CSPP1: variants seen among roughly 807,000 people sequenced by gnomAD.
CSPP1 encodes centrosome and spindle pole-associated protein 1.
CSPP1 carries 126 observed loss-of-function variants against 164.4 expected under a neutral mutation model. The ratio of observed to expected loss-of-function variants is 0.77; its 90% CI spans 0.66 to 0.89. The LOEUF (loss-of-function observed/expected upper bound fraction) is 0.89, where lower values mean the gene tolerates loss of function less well. Among genes scored for constraint, CSPP1 ranks in the 40% least tolerant of loss-of-function variants. The probability of loss-of-function intolerance (pLI) is 0.00; values close to 1 mark genes in which losing one functional copy is unlikely to be tolerated. For synonymous variants in CSPP1, 472 were observed against 476.7 expected (o/e 0.99, Z 0.13); for missense variants, 1,395 against 1,449.8 (o/e 0.96, Z 0.61).
At position 67,195,676 on chromosome 8, in the gene CSPP1, C is replaced by T; in HGVS notation, c.*83C>T. ...TACCTTTAATATGTCCTACTTTTGG[C>T]CCCTACCTGAAAGTTACTTTTTTTC... is the stretch of plus-strand genomic sequence containing the variant. On this transcript the variant is annotated 3_prime_UTR_variant, in exon 31 of 31. Coordinates refer to ENST00000678616, the MANE Select transcript of CSPP1 (RefSeq NM_001382391.1). The T allele has an allele frequency of 8.2e-6, 10 of 1,213,476 alleles. No individual in the cohort carries two copies. Among genetic ancestry groups the T allele is most frequent in the South Asian group, 1.4e-5 (1 of 72,942 alleles). The allele number at this position is 1,213,476 out of a possible 1,614,324, so 75.2% of individuals were successfully genotyped here.
intron 17 of CSPP1, among the ~76,000 whole-genome samples, chr8:67,146,612 G>C (rs953193254): frequency 2.6e-5 from 4 of 152,142 alleles, no homozygotes; most frequent in African/African-American, 7.2e-5. Flanking sequence ...CATTATAAAA[G>C]AGTTTCTGTG....
chr8:67,124,433 A>G (rs1819651578), intron 15 of CSPP1, among the ~76,000 whole-genome samples: 1 of 152,156 alleles, frequency 6.6e-6, no homozygotes, highest in African/African-American at 2.4e-5. Context: ...TACAAATCAC[A>G]CTATTATACA....
chr8:67,072,244 C>A (rs1477461043), intron 1 of CSPP1, among the ~76,000 whole-genome samples: 5 of 151,364 alleles, frequency 3.3e-5, no homozygotes, highest in African/African-American at 1.2e-4. Flanking sequence ...AGTGAGATTG[C>A]GCTACTGCAC....
chr8:67,162,152 C>A (rs1342912373), intron 22 of CSPP1, among the ~76,000 whole-genome samples: 1 of 152,084 alleles, frequency 6.6e-6, no homozygotes, highest in Admixed American at 6.6e-5. Context: ...TGTAGATATG[C>A]TCATTGAGTC....
intron 24 of CSPP1, 111 bp downstream of exon 24, chr8:67,164,619 C>T (rs999282995): frequency 1.8e-6 from 1 of 552,844 alleles, no homozygotes; most frequent in Non-Finnish European, 3.3e-6. Flanking sequence ...CTTAAAATCT[C>T]CTTACTTTCC....
chr8:67,184,287 CAGA>C (rs1381368958), intron 28 of CSPP1, among the ~76,000 whole-genome samples: 3 of 152,034 alleles, frequency 2.0e-5, no homozygotes, highest in South Asian at 2.1e-4. Flanking sequence ...CCAAAGTAAG[CAGA>C]AGAAGAGAAA....
chr8:67,175,583 A>G (rs1831418950), intron 26 of CSPP1, 147 bp downstream of exon 26: 2 of 879,038 alleles, frequency 2.3e-6, no homozygotes, highest in Middle Eastern at 2.1e-4. Flanking sequence ...CTGTAGTACC[A>G]GAAAAGAACA....
chr8:67,064,772 G>T lies in CSPP1; in HGVS notation c.-11+234G>T, dbSNP rs1805180432. ...GGGAGGTGCCCGAGTTAAGGGTGTG[G>T]AGAGTTGGGATTTCGCCGCCGTGAG... On this transcript the variant is annotated intron_variant, in intron 1 of 30. Transcript: ENST00000678616. 7.3e-6 allele frequency: 3 copies of T among 412,868 alleles called. No individual in the cohort carries two copies. In the South Asian group the frequency reaches 9.5e-5, roughly 13 times the overall value. 25.6% of individuals were successfully genotyped at this position (412,868 alleles called of 1,614,324 possible). A position where few individuals can be genotyped will look rare whatever the true frequency, so the allele number is the denominator to read the frequency against.
intron 24 of CSPP1, among the ~76,000 whole-genome samples, chr8:67,170,890 C>T (rs1245622827): frequency 1.3e-5 from 2 of 151,718 alleles, no homozygotes; most frequent in Non-Finnish European, 2.9e-5. Flanking sequence ...TGGTTCACGC[C>T]GTTCTCCTGC....
At chr8:67,116,890 G>GT (rs1354876796) in intron 13 of CSPP1, among the ~76,000 whole-genome samples, 15 of 152,078 alleles carry the variant, frequency 9.9e-5, no homozygotes, top group Admixed American at 9.8e-4. Flanking sequence ...TGGTCTTTTA[G>GT]TTACTAACCA....
chr8:67,093,613 A>C lies in CSPP1; in HGVS notation c.455A>C (p.Lys152Thr). Residue 152 changes from lysine (K) to threonine (T), a missense_variant, in exon 6 of 31, where the codon AAG becomes ACG. Coordinates refer to ENST00000678616, the MANE Select transcript of CSPP1 (RefSeq NM_001382391.1). The part of the protein sequence containing the change: ...FLRGKEESSE[K>T]FRQVEKSTEP... Reference sequence around the variant, plus strand: ...AGGGGTAAGGAAGAATCCAGTGAAAAGTTCAGGCAGGTGGAAAAGAGTACT... The same window carrying C: ...AGGGGTAAGGAAGAATCCAGTGAAACGTTCAGGCAGGTGGAAAAGAGTACT... 3 of 1,611,532 alleles carry C rather than the reference A, an allele frequency of 1.9e-6. No homozygotes were observed. The highest frequency in any genetic ancestry group is 2.5e-6 in the Non-Finnish European group (3 of 1,177,880).
intron 17 of CSPP1, among the ~76,000 whole-genome samples, chr8:67,138,232 A>G (rs1180745227): frequency 1.3e-5 from 2 of 152,162 alleles, no homozygotes; most frequent in Admixed American, 6.5e-5. Flanking sequence ...TAACCATGGG[A>G]CATTGGTTCC....
intron 15 of CSPP1, among the ~76,000 whole-genome samples, chr8:67,120,583 CT>C (rs939491020): frequency 2.0e-5 from 3 of 152,048 alleles, no homozygotes; most frequent in African/African-American, 7.2e-5. Context: ...TCTTTCACTT[CT>C]TTAGTTAATT....
intron 3 of CSPP1, chr8:67,084,125 T>C (rs1809889056): frequency 6.6e-6 from 1 of 152,188 alleles, no homozygotes; most frequent in African/African-American, 2.4e-5. Flanking sequence ...AAATTCTGTA[T>C]CTTTAAAAAA....
At chr8:67,105,804 G>A (rs1815382764) in intron 8 of CSPP1, 101 bp from the exon 9 acceptor site, 1 of 691,118 alleles carries the variant, frequency 1.4e-6, no homozygotes, top group Non-Finnish European at 2.6e-6. Context: ...ATAGTACTTT[G>A]AAAGGCTAAT....
intron 29 of CSPP1, among the ~76,000 whole-genome samples, chr8:67,191,325 G>A (rs1034524530): frequency 1.3e-5 from 2 of 152,192 alleles, no homozygotes; most frequent in African/African-American, 2.4e-5. Flanking sequence ...TATATATGAC[G>A]TGAAGATGCA....
intron 1 of CSPP1, among the ~76,000 whole-genome samples, chr8:67,072,391 A>G (rs1806999892): frequency 6.6e-6 from 1 of 152,234 alleles, no homozygotes; most frequent in Non-Finnish European, 1.5e-5. Flanking sequence ...ACTGTTAAAA[A>G]TATATCAAGA....
chr8:67,182,467 G>A (rs1833299527), intron 28 of CSPP1, among the ~76,000 whole-genome samples: 1 of 152,204 alleles, frequency 6.6e-6, no homozygotes, highest in South Asian at 2.1e-4. Flanking sequence ...TTATCTGTTG[G>A]AGTCACTGCT....
chr8:67,185,985 T>C (rs551905088), intron 28 of CSPP1, among the ~76,000 whole-genome samples: 17 of 152,306 alleles, frequency 1.1e-4, no homozygotes, highest in Admixed American at 1.0e-3. Flanking sequence ...CAAGCAAGTA[T>C]AGGAAAAGGT....
Sources: gnomAD v4.1 joint callset for allele counts (sites outside exome capture counted in the v4.1 genomes callset) on GRCh38, gnomAD v4.1.1 for gene constraint, MANE v1.5 for transcripts, NCBI Gene and HGNC (gene_info 2026-07-23, HGNC 2026-07-21) for gene names.